The following TOGARAM2 variants were observed in gnomAD, a reference collection of about 807,000 sequenced individuals.
TOGARAM2 encodes TOG array regulator of axonemal microtubules 2.
TOGARAM2 carries 85 observed loss-of-function variants against 93.3 expected under a neutral mutation model. That is an observed-to-expected ratio of 0.91 (90% CI 0.76 to 1.09). The LOEUF (loss-of-function observed/expected upper bound fraction) is 1.09. TOGARAM2 is among the 50% of genes least tolerant of loss of function. The pLI, the probability that TOGARAM2 is intolerant of heterozygous loss-of-function variation, is 0.00. For missense variants in TOGARAM2, 1,277 were observed against 1,334.5 expected (o/e 0.96, Z 0.67); for synonymous variants, 593 against 552.8 (o/e 1.07, Z -1.02).
In TOGARAM2 at chr2:29,045,404, C is replaced by A. The variant is rs376580582; in HGVS notation, c.2716C>A (p.Leu906Met). ...TGCGGTGCTGGATGTCACAGATCGC[C>A]TGGCAGGTGAGCACCCCCAGCCCCA... ...GRAVLDVTDRLAVLVASVYPR... is the reference protein window; with the variant it reads ...GRAVLDVTDRMAVLVASVYPR... The change falls in exon 19 of 20, where the codon CTG (leucine) becomes ATG (methionine). Residue 906 changes from leucine to methionine, a missense_variant. By Grantham distance (15) the Leu-to-Met change is conservative. Transcript: ENST00000379558. 1.1e-5 allele frequency: 17 copies of A among 1,613,094 alleles called. No individual in the cohort carries two copies. Among genetic ancestry groups the A allele is most frequent in the Non-Finnish European group, 1.4e-5 (17 of 1,179,880 alleles).
intron 6 of TOGARAM2, among the ~76,000 whole-genome samples, chr2:29,004,071 C>T (rs947614875): frequency 6.6e-6 from 1 of 152,216 alleles, no homozygotes; most frequent in Non-Finnish European, 1.5e-5. Context: ...TCTCAACTCA[C>T]TGCAACCTCC....
In TOGARAM2 at chr2:29,002,640, A is replaced by G. The variant is rs770481262; in HGVS notation, c.532A>G (p.Ile178Val). Residue 178 changes from isoleucine (I) to valine (V), a missense_variant, in exon 5 of 20, where the codon ATC (isoleucine) becomes GTC (valine). Coordinates refer to ENST00000379558, the MANE Select transcript of TOGARAM2 (RefSeq NM_199280.4). ...GAGGGTGCCCAGGCCGATGCCTCTC[A>G]TCCAGAGCATCCCTACCACCCCTGA... ...LLRVPRPMPL[I>V]QSIPTTPEAS... 6.2e-7 allele frequency: 1 copy of G among 1,613,808 alleles called. No individual in the cohort carries two copies. Among genetic ancestry groups the G allele is most frequent in the Non-Finnish European group, 8.5e-7 (1 of 1,179,766 alleles).
At chr2:29,045,836 G>A (rs914448101) in intron 19 of TOGARAM2, 13 of 260,694 alleles carry the variant, frequency 5.0e-5, no homozygotes, top group Non-Finnish European at 8.2e-5. Context: ...AGTACTTCTG[G>A]TACCAAACAT....
chr2:28,992,263 C>T (rs575596462), intron 1 of TOGARAM2, among the ~76,000 whole-genome samples: 7 of 152,150 alleles, frequency 4.6e-5, no homozygotes, highest in Admixed American at 2.0e-4. Context: ...ACTGCGCTCA[C>T]GTTAGTCAGG....
At chr2:28,993,510 AGGTG>A in intron 1 of TOGARAM2, among the ~76,000 whole-genome samples, 1 of 152,086 alleles carries the variant, frequency 6.6e-6, no homozygotes, top group Non-Finnish European at 1.5e-5. Flanking sequence ...TGTCTAGGAG[AGGTG>A]CTGTGTCTCA....
chr2:29,035,496 T>TGCGCTCCACACTGCAGGGCC lies in TOGARAM2; in HGVS notation c.2262_2281dup (p.Gly761AlafsTer17). On this transcript the variant is annotated frameshift_variant, in exon 17 of 20. Transcript: ENST00000379558. LOFTEE classifies it high-confidence loss of function. The stretch of plus-strand genomic sequence containing the variant: ...TGCAATGGCCCAAGGCTGGTGGGGC[T>TGCGCTCCACACTGCAGGGCC]GCGCTCCACACTGCAGGGCCGCGGG... 1.3e-6 allele frequency: 2 copies of TGCGCTCCACACTGCAGGGCC among 1,490,076 alleles called. No homozygotes were observed. The highest frequency in any genetic ancestry group is 1.8e-6 in the Non-Finnish European group (2 of 1,115,180). 92.3% of individuals were successfully genotyped at this position (1,490,076 alleles called of 1,614,324 possible). A position where few individuals can be genotyped will look rare whatever the true frequency, so the allele number is the denominator to read the frequency against.
chr2:29,038,064 G>A (rs1475381164), intron 18 of TOGARAM2, among the ~76,000 whole-genome samples: 3 of 152,050 alleles, frequency 2.0e-5, no homozygotes, highest in African/African-American at 4.8e-5. Flanking sequence ...GAATTGTGGC[G>A]CTTTGGGCAA....
At chr2:28,965,262 A>T (rs1671852339) in intron 1 of TOGARAM2, among the ~76,000 whole-genome samples, 1 of 152,128 alleles carries the variant, frequency 6.6e-6, no homozygotes. Flanking sequence ...CATGTAGTTT[A>T]GTTACCAGTT....
rs971268776 is a variant in TOGARAM2, at chr2:29,014,390, C to T, written c.878-5C>T. On this transcript the variant is annotated splice_polypyrimidine_tract_variant and splice_region_variant and intron_variant, in intron 7 of 19. Transcript: ENST00000379558. ...TCAGCTCCACCCCTGTTCTCAACCC[C>T]TCAGAGCCAAAACCTTTGGCCTCAC... 6.2e-7 allele frequency: 1 copy of T among 1,610,204 alleles called. No individual in the cohort carries two copies. Among genetic ancestry groups the T allele is most frequent in the East Asian group, 2.2e-5 (1 of 44,764 alleles).
At chr2:29,024,897 C>T (rs746717750) in intron 13 of TOGARAM2, among the ~76,000 whole-genome samples, 2 of 152,200 alleles carry the variant, frequency 1.3e-5, no homozygotes, top group Non-Finnish European at 2.9e-5. Flanking sequence ...CCAGCTTGCC[C>T]CACTGGACCT....
intron 2 of TOGARAM2, among the ~76,000 whole-genome samples, chr2:28,997,869 G>T (rs960073220): frequency 3.9e-5 from 6 of 152,142 alleles, no homozygotes; most frequent in African/African-American, 1.2e-4. Context: ...ATGGAGGGGG[G>T]TTTGGAACAA....
intron 6 of TOGARAM2, among the ~76,000 whole-genome samples, chr2:29,009,189 C>A (rs572722780): frequency 1.3e-5 from 2 of 152,252 alleles, no homozygotes; most frequent in South Asian, 2.1e-4. Context: ...CTTCTCAGGG[C>A]AGGATGAGGG....
chr2:29,026,873 G>A lies in TOGARAM2; in HGVS notation c.1874G>A (p.Arg625Gln), dbSNP rs767869275. The change falls in exon 14 of 20, where the codon CGG (arginine) becomes CAG (glutamine). Residue 625 changes from arginine (R) to glutamine (Q), a missense_variant. Physicochemically the swap from Arg to Gln is conservative, Grantham distance 43. Transcript: ENST00000379558. ...TTCAGCCACCGGAACCCCTTGATCC[G>A]GAAATACGCGGCTGAGCACCTCTCA... ...AGVYHRNPLI[R>Q]KYAAEHLSAV... 41 of 1,590,986 alleles carry A rather than the reference G, an allele frequency of 2.6e-5. No individual in the cohort carries two copies. Among genetic ancestry groups the A allele is most frequent in the Admixed American group, 1.4e-4 (8 of 57,480 alleles).
chr2:28,976,929 G>C (rs916791178), upstream of TOGARAM2, among the ~76,000 whole-genome samples: 1 of 152,198 alleles, frequency 6.6e-6, no homozygotes, highest in African/African-American at 2.4e-5. Flanking sequence ...CTTGGAGGGG[G>C]TGGGGCAGTG....
Position 29,005,161 on chromosome 2 carries a change from AGTGCAT to A in TOGARAM2, c.830+1483_830+1488del, listed in dbSNP as rs1673623076. ...TGTGTGTGAGTGCATGTTGTGTGTG[AGTGCAT>A]GTGTAAGGGCATATGTGTGCAGTGT... On this transcript the variant is annotated intron_variant, in intron 6 of 19. Transcript: ENST00000379558. Among the ~76,000 whole-genome samples the A allele has an allele frequency of 2.3e-5, 3 of 132,570 alleles. No individual in the cohort carries two copies. In the South Asian group the frequency reaches 7.4e-4, roughly 33 times the overall value. 87.0% of individuals were successfully genotyped at this position (132,570 alleles called of 152,430 possible). A position where few individuals can be genotyped will look rare whatever the true frequency, so the allele number is the denominator to read the frequency against.
In TOGARAM2 at chr2:29,048,234, G is replaced by C. The variant is rs370558534; in HGVS notation, c.2722+2824G>C. The C allele has an allele frequency of 5.3e-5, 8 of 152,018 alleles. No individual in the cohort carries two copies. In the East Asian group the frequency reaches 1.2e-3, roughly 22 times the overall value. The allele number at this position is 152,018 out of a possible 1,614,324, so 9.4% of individuals were successfully genotyped here. ...GTACACCGGAAAGACCTGCCCCCATGATTCAATTACTTCCTACCGGCTCCC... is the reference window on the plus strand; with the variant it reads ...GTACACCGGAAAGACCTGCCCCCATCATTCAATTACTTCCTACCGGCTCCC... On this transcript the variant is annotated intron_variant, in intron 19 of 19. Transcript: ENST00000379558.
chr2:29,019,630 A>C (rs775651335), intron 10 of TOGARAM2, among the ~76,000 whole-genome samples: 4 of 152,106 alleles, frequency 2.6e-5, no homozygotes, highest in Non-Finnish European at 5.9e-5. Flanking sequence ...GTCCCTCTTT[A>C]TTTGAACTGT....
intron 14 of TOGARAM2, 132 bp from the exon 15 acceptor site, chr2:29,032,802 T>A: frequency 1.5e-6 from 1 of 661,740 alleles, no homozygotes; most frequent in Non-Finnish European, 2.6e-6. Context: ...TTTAACTGGG[T>A]AGGGATTGCT....
intron 1 of TOGARAM2, among the ~76,000 whole-genome samples, chr2:28,973,441 CCCTT>C (rs146889949): frequency 0.011 from 415 of 39,106 alleles, 9 homozygotes; most frequent in Middle Eastern, 0.031. Flanking sequence ...CCTTCCCTTC[CCCTT>C]CCTTCCTTCC....
Sources: allele counts gnomAD v4.1 joint callset (sites outside exome capture counted in the v4.1 genomes callset), GRCh38; gene constraint gnomAD v4.1.1; transcripts MANE v1.5; gene names NCBI Gene and HGNC (gene_info 2026-07-23, HGNC 2026-07-21).